Variants in FMN2 observed in about 807,000 individuals in gnomAD.
The protein encoded by FMN2 is formin-2.
FMN2 carries 51 observed loss-of-function variants against 142.3 expected under a neutral mutation model. The observed-to-expected ratio is 0.36, with a 90% CI of 0.29 to 0.45. FMN2 has a LOEUF of 0.45. Ranked by LOEUF, FMN2 falls within the 20% of genes least tolerant of loss-of-function variation. FMN2 has a pLI of 1.00. For missense variants in FMN2, 1,936 were observed against 2,122.8 expected, an observed-to-expected ratio of 0.91 and a Z score of 1.73; for synonymous variants, 882 against 869.8, an observed-to-expected ratio of 1.01 and a Z score of -0.25.
intron 8 of FMN2, among the ~76,000 whole-genome samples, chr1:240,316,548 A>G (rs1670785198): frequency 6.6e-6 from 1 of 152,038 alleles, no homozygotes; most frequent in Non-Finnish European, 1.5e-5. Context: ...GTCTGTTTCT[A>G]AGATGTTTTT....
rs925951844 is a variant in FMN2, at chr1:240,144,181, A to G, written c.1782+20836A>G. The stretch of plus-strand genomic sequence containing the variant: ...AACATTCCGTGGTCCTTGTTCTTGT[A>G]AAGCCATTTGTTGCCATCATCGTTA... On this transcript the variant is annotated intron_variant, in intron 2 of 17. Coordinates refer to ENST00000319653, the MANE Select transcript of FMN2 (RefSeq NM_020066.5). 2.7e-6 allele frequency: 4 copies of G among 1,469,382 alleles called. No homozygotes were observed. The African/African-American group carries it at 5.6e-5, about 20-fold the overall frequency. The allele number at this position is 1,469,382 out of a possible 1,614,324, so 91.0% of individuals were successfully genotyped here.
chr1:240,301,528 T>C (rs978114793), intron 8 of FMN2, among the ~76,000 whole-genome samples: 2 of 151,976 alleles, frequency 1.3e-5, no homozygotes, highest in Non-Finnish European at 2.9e-5. Flanking sequence ...GTATCTGTAG[T>C]GTATTTTGAA....
At chr1:240,369,447 A>G (rs1672790774) in intron 14 of FMN2, among the ~76,000 whole-genome samples, 1 of 152,196 alleles carries the variant, frequency 6.6e-6, no homozygotes, top group Admixed American at 6.5e-5. Flanking sequence ...CATTTAACCA[A>G]TACCATTGTC....
chr1:240,177,796 A>T, intron 2 of FMN2, 125 bp from the exon 3 acceptor site: 1 of 749,312 alleles, frequency 1.3e-6, no homozygotes, highest in Non-Finnish European at 1.9e-6. Context: ...TGCTGTTTTA[A>T]TGTTTCATAT....
At chr1:240,389,391 G>A (rs183701229) in intron 14 of FMN2, among the ~76,000 whole-genome samples, 2 of 152,294 alleles carry the variant, frequency 1.3e-5, no homozygotes, top group South Asian at 4.1e-4. Flanking sequence ...GCAAAGTCAT[G>A]TTTGAAAGTC....
intron 2 of FMN2, among the ~76,000 whole-genome samples, chr1:240,154,107 CAAAAAAAAAAA>C (rs3047182): frequency 5.4e-5 from 3 of 55,312 alleles, no homozygotes; most frequent in African/African-American, 1.3e-4. Context: ...GAGATTCCAT[CAAAAAAAAAAA>C]AAAAAAAAAA....
chr1:240,116,857 G>C (rs1662044633), intron 1 of FMN2, among the ~76,000 whole-genome samples: 2 of 152,326 alleles, frequency 1.3e-5, no homozygotes, highest in South Asian at 4.1e-4. Context: ...ACTGAGCAAG[G>C]AGGGAGAGGT....
chr1:240,272,373 A>G (rs981060575), intron 7 of FMN2, among the ~76,000 whole-genome samples: 1 of 88,010 alleles, frequency 1.1e-5, no homozygotes, highest in African/African-American at 3.4e-5. Context: ...TGGTTTTTGC[A>G]AAAAGATTCC....
At chr1:240,393,611 G>C (rs1437598126) in intron 15 of FMN2, among the ~76,000 whole-genome samples, 1 of 152,152 alleles carries the variant, frequency 6.6e-6, no homozygotes, top group African/African-American at 2.4e-5. Context: ...ACAAAAGCTA[G>C]AAATGGTTAA....
intron 2 of FMN2, among the ~76,000 whole-genome samples, chr1:240,161,114 G>C (rs1664256734): frequency 6.6e-6 from 1 of 151,812 alleles, no homozygotes; most frequent in South Asian, 2.1e-4. Flanking sequence ...TTATGGTTTT[G>C]AATTTTTTTA....
chr1:240,160,456 G>A lies in FMN2; in HGVS notation c.1783-17465G>A, dbSNP rs144122348. ...CCACATATTTTTCATTATATACATT[G>A]TATGTATATATACATTATATATAAT... is the stretch of plus-strand genomic sequence containing the variant. On this transcript the variant is annotated intron_variant, in intron 2 of 17. Transcript: ENST00000319653. Among the ~76,000 whole-genome samples, 62 of 149,436 alleles carry A rather than the reference G, an allele frequency of 4.1e-4. 1 individual carries two copies. The highest frequency in any genetic ancestry group is 1.5e-3 in the African/African-American group (60 of 41,000).
intron 3 of FMN2, among the ~76,000 whole-genome samples, chr1:240,184,344 C>T (rs1665291580): frequency 7.4e-6 from 1 of 134,734 alleles, no homozygotes; most frequent in Non-Finnish European, 1.5e-5. Context: ...TCAAGCGATT[C>T]TCCTGCGTCA....
At chr1:240,145,313 AGGGCCGCCGCTGG>A (rs1250933538) in intron 2 of FMN2, 6 of 1,236,734 alleles carry the variant, frequency 4.9e-6, no homozygotes, top group African/African-American at 1.5e-5. Flanking sequence ...CATGCCGCTG[AGGGCCGCCGCTGG>A]GGGCTGCTGG....
At chr1:240,260,786 C>A (rs542467871) in intron 7 of FMN2, among the ~76,000 whole-genome samples, 6 of 152,034 alleles carry the variant, frequency 3.9e-5, no homozygotes, top group Non-Finnish European at 8.8e-5. Context: ...TCTTTGTTTT[C>A]GTAGCATTTG....
At chr1:240,338,041 A>G (rs992587592) in intron 13 of FMN2, among the ~76,000 whole-genome samples, 4 of 152,196 alleles carry the variant, frequency 2.6e-5, no homozygotes, top group Admixed American at 6.5e-5. Context: ...GAATTGTAGC[A>G]TTTGCCACAT....
At position 240,272,926 on chromosome 1, in the gene FMN2, T is replaced by G. The variant is rs1572141595; in HGVS notation, c.4153+14894T>G. ...AATCAGATAATTATATGCACGTGAT[T>G]AAGAAAATAAGTTGTATAGAAAGGC... On this transcript the variant is annotated intron_variant, in intron 7 of 17. Coordinates refer to ENST00000319653, the MANE Select transcript of FMN2 (RefSeq NM_020066.5). Among the ~76,000 whole-genome samples, 3 of 152,310 alleles carry G rather than the reference T, an allele frequency of 2.0e-5. No individual in the cohort carries two copies. The South Asian group carries it at 6.2e-4, about 32-fold the overall frequency.
intron 2 of FMN2, among the ~76,000 whole-genome samples, chr1:240,148,840 C>G (rs531071676): frequency 4.1e-4 from 63 of 152,036 alleles, no homozygotes; most frequent in African/African-American, 1.5e-3. Flanking sequence ...GGCATGGTGA[C>G]GAGTGCCTGT....
intron 7 of FMN2, among the ~76,000 whole-genome samples, chr1:240,285,057 G>T (rs1336692871): frequency 6.6e-6 from 1 of 151,880 alleles, no homozygotes; most frequent in African/African-American, 2.4e-5. Context: ...ATTCTCACAT[G>T]TATTTCCCAA....
Position 240,330,591 on chromosome 1 carries a change from T to G in FMN2, c.4438-12T>G, listed in dbSNP as rs768497018. ...GATAAAAGTTGTTTTTTGTTGTTAT[T>G]CTGTTTTACAGACATTAAAAAATGG... On this transcript the variant is annotated splice_polypyrimidine_tract_variant and intron_variant, in intron 10 of 17. Transcript: ENST00000319653. 2 of 1,604,128 alleles carry G rather than the reference T, an allele frequency of 1.2e-6. No homozygotes were observed. The highest frequency in any genetic ancestry group is 4.5e-5 in the East Asian group (2 of 44,748).
Sources: allele counts gnomAD v4.1 joint callset (sites outside exome capture counted in the v4.1 genomes callset), GRCh38; gene constraint gnomAD v4.1.1; transcripts MANE v1.5; gene names NCBI Gene and HGNC (gene_info 2026-07-23, HGNC 2026-07-21).